Variants in UBR7 observed in about 807,000 individuals in gnomAD.
UBR7 encodes putative E3 ubiquitin-protein ligase UBR7.
In UBR7, 22 loss-of-function variants were observed where a neutral mutation model predicts 57.0. That is an observed-to-expected ratio of 0.39 (90% CI 0.28 to 0.55). The LOEUF is 0.55. Ranked by LOEUF, UBR7 falls within the 20% of genes least tolerant of loss-of-function variation. The pLI, the probability that UBR7 is intolerant of heterozygous loss-of-function variation, is 0.69. For missense variants in UBR7, 395 were observed against 513.2 expected, an observed-to-expected ratio of 0.77 and a Z score of 2.23; for synonymous variants, 167 against 179.8, an observed-to-expected ratio of 0.93 and a Z score of 0.57.
chr14:93,223,846 G>A (rs999379652), intron 10 of UBR7: 3 of 749,682 alleles, frequency 4.0e-6, no homozygotes, highest in Non-Finnish European at 7.3e-6. Flanking sequence ...TCAGGTCCCG[G>A]TATTCCCGGT....
chr14:93,220,037 C>T (rs1216018110), intron 8 of UBR7, among the ~76,000 whole-genome samples: 2 of 151,740 alleles, frequency 1.3e-5, no homozygotes, highest in African/African-American at 4.8e-5. Flanking sequence ...GACCATATGA[C>T]ATCTGGGAAA....
At chr14:93,224,816 T>G (rs1002659958) in intron 10 of UBR7, among the ~76,000 whole-genome samples, 3 of 152,232 alleles carry the variant, frequency 2.0e-5, no homozygotes, top group African/African-American at 7.2e-5. Context: ...TGCCTCAGTG[T>G]GGTAACCTCT....
rs1237485357 is a variant in UBR7, at chr14:93,207,258, C to A, written c.-34C>A. On this transcript the variant is annotated 5_prime_UTR_variant, in exon 1 of 11. Transcript: ENST00000013070. Reference sequence around the variant, plus strand: ...TCACGGCCGCTTTTCCCGCCTCCGCCGGGGCCGAGCCGCTGTTCGGCTGAC... The same window carrying A: ...TCACGGCCGCTTTTCCCGCCTCCGCAGGGGCCGAGCCGCTGTTCGGCTGAC... 3.2e-6 allele frequency: 5 copies of A among 1,549,300 alleles called. No homozygotes were observed. Among genetic ancestry groups the A allele is most frequent in the Non-Finnish European group, 4.4e-6 (5 of 1,147,036 alleles).
chr14:93,221,429 AT>A (rs1444519959), intron 9 of UBR7, among the ~76,000 whole-genome samples: 2 of 150,640 alleles, frequency 1.3e-5, no homozygotes, highest in Non-Finnish European at 3.0e-5. Context: ...TAATTTTTGT[AT>A]TTTTAGTAGA....
At chr14:93,213,847 A>G (rs910168687) in intron 4 of UBR7, among the ~76,000 whole-genome samples, 1 of 152,300 alleles carries the variant, frequency 6.6e-6, no homozygotes, top group South Asian at 2.1e-4. Context: ...CGTTGGAACT[A>G]TAATTATTGA....
chr14:93,224,579 G>T (rs997590553), intron 10 of UBR7, among the ~76,000 whole-genome samples: 1 of 151,800 alleles, frequency 6.6e-6, no homozygotes, highest in Non-Finnish European at 1.5e-5. Context: ...GGGTTTCACC[G>T]TGTTAGCCAG....
Position 93,218,670 on chromosome 14 carries a change from C to T in UBR7, c.745C>T (p.Arg249Trp), listed in dbSNP as rs752570952. The T allele has an allele frequency of 7.6e-5, 123 of 1,613,864 alleles. No homozygotes were observed. Among genetic ancestry groups the T allele is most frequent in the Middle Eastern group, 1.6e-4 (1 of 6,084 alleles). ...TCCAGAACAGGGAAAGGATGATGTC[C>T]GGGAGGTTAAAGTAGAGCAGAACAG... ...DVPEQGKDDV[R>W]EVKVEQNSEP... Residue 249 changes from arginine (R) to tryptophan (W), a missense_variant, in exon 7 of 11, where the codon CGG becomes TGG. Transcript: ENST00000013070.
At chr14:93,216,196 A>G (rs907900462) in intron 6 of UBR7, among the ~76,000 whole-genome samples, 5 of 152,110 alleles carry the variant, frequency 3.3e-5, no homozygotes, top group Non-Finnish European at 7.4e-5. Flanking sequence ...ACAGGCACAC[A>G]CTACCATGCC....
chr14:93,210,469 C>A (rs1405428832), intron 2 of UBR7, among the ~76,000 whole-genome samples, 179 bp from the exon 3 acceptor site: 1 of 152,150 alleles, frequency 6.6e-6, no homozygotes, highest in East Asian at 1.9e-4. Context: ...CAAACTCAAA[C>A]CATTTATCTT....
intron 10 of UBR7, chr14:93,223,918 C>G: frequency 1.4e-6 from 1 of 724,644 alleles, no homozygotes. Flanking sequence ...TCTTGACCCG[C>G]GGTGGGGACT....
intron 3 of UBR7, 65 bp downstream of exon 3, chr14:93,210,773 T>A: frequency 7.3e-7 from 1 of 1,374,466 alleles, no homozygotes. Flanking sequence ...CCAGAGTGGG[T>A]AAAAAAACAA....
chr14:93,214,949 GT>G lies in UBR7; in HGVS notation c.463del (p.Cys155AlafsTer2). On this transcript the variant is annotated frameshift_variant, in exon 5 of 11. Coordinates refer to ENST00000013070, the MANE Select transcript of UBR7 (RefSeq NM_175748.4). LOFTEE classifies it high-confidence loss of function. ...GTTAGATTCCAGATGAGATGATCCAGTGCGTAGTCTGTGAAGACTGGTTCCA... is the reference window on the plus strand; with the variant it reads ...GTTAGATTCCAGATGAGATGATCCAGGCGTAGTCTGTGAAGACTGGTTCCA... Reference protein sequence around the residue: ...EDEIPDEMIQCVVCEDWFHGR... With the variant: ...EDEIPDEMIQXVVCEDWFHGR... The G allele has an allele frequency of 1.2e-6, 2 of 1,613,880 alleles. No individual in the cohort carries two copies. Among genetic ancestry groups the G allele is most frequent in the Non-Finnish European group, 8.5e-7 (1 of 1,179,906 alleles).
In UBR7 at chr14:93,228,676, T is replaced by C; in HGVS notation, c.*1641T>C. 1 of 453,900 alleles carries C rather than the reference T, an allele frequency of 2.2e-6. No individual in the cohort carries two copies. Among genetic ancestry groups the C allele is most frequent in the South Asian group, 1.6e-5 (1 of 64,454 alleles). The allele number at this position is 453,900 out of a possible 1,614,324, so 28.1% of individuals were successfully genotyped here. A position where few individuals can be genotyped will look rare whatever the true frequency, so the allele number is the denominator to read the frequency against. The stretch of plus-strand genomic sequence containing the variant: ...GAGGGCTCCGTTCAAAGGCTCGGGG[T>C]GTCTTTGAGGTTGTTTATCAAGCTG... On this transcript the variant is annotated 3_prime_UTR_variant, in exon 11 of 11. Transcript: ENST00000013070.
In UBR7 at chr14:93,212,030, A is replaced by C; in HGVS notation, c.346-2A>C. 5 of 1,606,274 alleles carry C rather than the reference A, an allele frequency of 3.1e-6. No individual in the cohort carries two copies. The highest frequency in any genetic ancestry group is 3.4e-6 in the Non-Finnish European group (4 of 1,174,390). On this transcript the variant is annotated splice_acceptor_variant, in intron 3 of 10. Transcript: ENST00000013070. LOFTEE classifies it high-confidence loss of function. ...ATTATTGAAATCAATATTATATTTC[A>C]GGACAAAGCAAAGGTAAATTCTGGC...
chr14:93,223,832 G>A (rs565310766), intron 10 of UBR7: 21 of 749,404 alleles, frequency 2.8e-5, no homozygotes, highest in Non-Finnish European at 4.9e-5. Flanking sequence ...AGCGCCCGCG[G>A]TGGTCAGGTC....
intron 9 of UBR7, among the ~76,000 whole-genome samples, chr14:93,221,858 C>G (rs975592812): frequency 6.6e-6 from 1 of 152,050 alleles, no homozygotes; most frequent in Non-Finnish European, 1.5e-5. Context: ...TGGCGCGTGC[C>G]TGTAGTCCCA....
intron 6 of UBR7, among the ~76,000 whole-genome samples, chr14:93,218,055 T>C (rs774704398): frequency 2.7e-5 from 4 of 149,466 alleles, no homozygotes; most frequent in Non-Finnish European, 5.9e-5. Flanking sequence ...GATCACGCCA[T>C]TGCACTCCAG....
In UBR7 at chr14:93,212,036, A is replaced by C; in HGVS notation, c.350A>C (p.Lys117Thr). ...GAAATCAATATTATATTTCAGGACA[A>C]AGCAAAGGTAAATTCTGGCAATAAG... ...KNLECKLLPD[K>T]AKVNSGNKYN... The change falls in exon 4 of 11, where the codon AAA (lysine) becomes ACA (threonine). Residue 117 changes from lysine to threonine, a missense_variant. Lys to Thr is a moderately conservative substitution (Grantham distance 78, BLOSUM62 -1). Coordinates refer to ENST00000013070, the MANE Select transcript of UBR7 (RefSeq NM_175748.4). 1.2e-6 allele frequency: 2 copies of C among 1,610,320 alleles called. No homozygotes were observed. The highest frequency in any genetic ancestry group is 1.7e-6 in the Non-Finnish European group (2 of 1,177,534).
At chr14:93,211,411 G>A (rs1437692461) in intron 3 of UBR7, among the ~76,000 whole-genome samples, 4 of 148,050 alleles carry the variant, frequency 2.7e-5, no homozygotes, top group African/African-American at 7.5e-5. Flanking sequence ...TCTGGGCATG[G>A]TGGTGCGTGC....
Sources: gnomAD v4.1 joint callset for allele counts (sites outside exome capture counted in the v4.1 genomes callset) on GRCh38, gnomAD v4.1.1 for gene constraint, MANE v1.5 for transcripts, NCBI Gene and HGNC (gene_info 2026-07-23, HGNC 2026-07-21) for gene names.